The following BTBD8 variants were observed in gnomAD, a reference collection of about 807,000 sequenced individuals.
BTBD8 encodes the protein BTB/POZ domain-containing protein 8.
Under a neutral mutation model 162.9 loss-of-function variants are expected in BTBD8, and 110 were observed. The observed-to-expected ratio is 0.68, with a 90% confidence interval of 0.58 to 0.79. The LOEUF is 0.79. Ranked by LOEUF, BTBD8 falls within the 30% of genes least tolerant of loss-of-function variation. The probability of loss-of-function intolerance (pLI) is 0.00; values close to 1 mark genes in which losing one functional copy is unlikely to be tolerated. For synonymous variants in BTBD8, 667 were observed against 716.1 expected, an observed-to-expected ratio of 0.93 and a Z score of 1.10; for missense variants, 1,905 against 2,085.4, an observed-to-expected ratio of 0.91 and a Z score of 1.68.
In BTBD8 at chr1:92,181,362, C is replaced by T; in HGVS notation, c.3679C>T (p.Pro1227Ser). The T allele has an allele frequency of 6.4e-7, 1 of 1,551,640 alleles. No homozygotes were observed. The highest frequency in any genetic ancestry group is 8.7e-7 in the Non-Finnish European group (1 of 1,146,964). The change falls in exon 17 of 18, where the codon CCA (proline) becomes TCA (serine). Residue 1227 changes from proline (P) to serine (S), a missense_variant. Around this residue, in one of 3 missense-constraint regions of BTBD8, gnomAD observed 1,374 missense variants for 1,442.7 expected, o/e 0.95. Coordinates refer to ENST00000636805, the MANE Select transcript of BTBD8 (RefSeq NM_001376131.1). The part of the protein sequence containing the change: ...TSESPESHET[P>S]ETPFVGHWNL... The stretch of plus-strand genomic sequence containing the variant: ...AGAATCTCCAGAGAGCCATGAAACT[C>T]CAGAAACTCCATTTGTGGGTCACTG...
chr1:92,147,892 G>A, intron 9 of BTBD8, 106 bp downstream of exon 9: 3 of 1,011,126 alleles, frequency 3.0e-6, no homozygotes, highest in Admixed American at 5.2e-5. Context: ...TATTGTAAAA[G>A]CAAGAGGCGT....
chr1:92,147,856 T>A lies in BTBD8; in HGVS notation c.1122+70T>A, dbSNP rs899699570. On this transcript the variant is annotated intron_variant, in intron 9 of 17. Coordinates refer to ENST00000636805, the MANE Select transcript of BTBD8 (RefSeq NM_001376131.1). ...GTTTATTCAATTTTGTATAGTACTT[T>A]CAGTGGTTGAAATATAAATGTAAAA... is the stretch of plus-strand genomic sequence containing the variant. 6.3e-6 allele frequency: 8 copies of A among 1,269,840 alleles called. No homozygotes were observed. In the African/African-American group the frequency reaches 1.2e-4, roughly 19 times the overall value. The allele number at this position is 1,269,840 out of a possible 1,614,324, so 78.7% of individuals were successfully genotyped here. A position where few individuals can be genotyped will look rare whatever the true frequency, so the allele number is the denominator to read the frequency against.
At chr1:92,115,582 T>C in intron 4 of BTBD8, 1 of 386,012 alleles carries the variant, frequency 2.6e-6, no homozygotes, top group South Asian at 2.3e-5. Context: ...TGGAAGATGG[T>C]GATGGGATTT....
chr1:92,096,070 T>G (rs1285652698), intron 2 of BTBD8, among the ~76,000 whole-genome samples: 1 of 151,966 alleles, frequency 6.6e-6, no homozygotes, highest in African/African-American at 2.4e-5. Flanking sequence ...CTCCAAGGCT[T>G]ACGCAATTCT....
At chr1:92,099,944 A>C (rs1192416453) in intron 2 of BTBD8, among the ~76,000 whole-genome samples, 1 of 152,204 alleles carries the variant, frequency 6.6e-6, no homozygotes. Flanking sequence ...GGCTGATCTT[A>C]GGAAGAAAGC....
At position 92,119,904 on chromosome 1, in the gene BTBD8, T is replaced by C. The variant is rs1371617663; in HGVS notation, c.663-9783T>C. 1.1e-3 allele frequency among the ~76,000 whole-genome samples: 145 copies of C among 127,724 alleles called. 1 individual carries two copies. In the East Asian group the frequency reaches 0.026, roughly 23 times the overall value. 83.8% of individuals were successfully genotyped at this position (127,724 alleles called of 152,430 possible). A position where few individuals can be genotyped will look rare whatever the true frequency, so the allele number is the denominator to read the frequency against. On this transcript the variant is annotated intron_variant, in intron 4 of 17. Coordinates refer to ENST00000636805, the MANE Select transcript of BTBD8 (RefSeq NM_001376131.1). ...CACCCGGCCCTTTTCTTTTTTTTTT[T>C]TTTTTTTTTTTTTTGAGACGGAGTC...
chr1:92,177,092 G>T lies in BTBD8; in HGVS notation c.1899G>T (p.Lys633Asn), dbSNP rs1160000584. The T allele has an allele frequency of 1.3e-6, 2 of 1,551,520 alleles. No homozygotes were observed. The highest frequency in any genetic ancestry group is 2.0e-5 in the Admixed American group (1 of 50,968). The change falls in exon 14 of 18, where the codon AAG becomes AAT. Residue 633 changes from lysine to asparagine, a missense_variant. This residue lies in a region of BTBD8 where 1,374 missense variants were observed against 1,442.7 expected (regional missense o/e 0.95). Transcript: ENST00000636805. Reference sequence around the variant, plus strand: ...CTGGGGGAAAAAATGTTTCTGGAAAGCCCAAAACTGTAACAAAATCCAAAA... The same window carrying T: ...CTGGGGGAAAAAATGTTTCTGGAAATCCCAAAACTGTAACAAAATCCAAAA... ...LKTGGKNVSG[K>N]PKTVTKSKTE...
At chr1:92,166,857 G>T (rs1348364094) in intron 9 of BTBD8, 101 bp from the exon 10 acceptor site, 3 of 1,211,068 alleles carry the variant, frequency 2.5e-6, no homozygotes, top group Non-Finnish European at 3.4e-6. Flanking sequence ...TTTTGTTTTT[G>T]CAGGAAACAT....
At chr1:92,131,039 T>C (rs1302422391) in intron 5 of BTBD8, among the ~76,000 whole-genome samples, 7 of 152,146 alleles carry the variant, frequency 4.6e-5, no homozygotes, top group African/African-American at 1.4e-4. Context: ...ATAACACTTT[T>C]AGGAAGGGAT....
At chr1:92,126,280 G>A (rs1557448714) in intron 4 of BTBD8, 46 of 599,964 alleles carry the variant, frequency 7.7e-5, no homozygotes, top group South Asian at 5.4e-4. Context: ...GGAAGATTGG[G>A]GCCTTCTGAT....
chr1:92,130,564 A>ACACACACACT (rs1649492735), intron 5 of BTBD8, among the ~76,000 whole-genome samples: 1 of 147,038 alleles, frequency 6.8e-6, no homozygotes, highest in African/African-American at 2.4e-5. Flanking sequence ...ACACACACAC[A>ACACACACACT]CACATATACG....
At chr1:92,103,446 A>C (rs960553789) in intron 3 of BTBD8, among the ~76,000 whole-genome samples, 2 of 151,912 alleles carry the variant, frequency 1.3e-5, no homozygotes, top group South Asian at 4.2e-4. Context: ...AGAGGTTCTG[A>C]CAGGAAACCT....
At chr1:92,131,723 C>CA (rs1377974623) in intron 5 of BTBD8, among the ~76,000 whole-genome samples, 2,035 of 79,820 alleles carry the variant, frequency 0.025, 27 homozygotes, top group African/African-American at 0.059. Context: ...GACTCTGTCT[C>CA]AAAAAAAAAA....
Position 92,109,379 on chromosome 1 carries a change from C to T in BTBD8, c.662+1378C>T, listed in dbSNP as rs192961907. 2.3e-3 allele frequency among the ~76,000 whole-genome samples: 346 copies of T among 152,000 alleles called. 1 individual carries two copies. Among genetic ancestry groups the T allele is most frequent in the African/African-American group, 7.8e-3 (325 of 41,476 alleles). On this transcript the variant is annotated intron_variant, in intron 4 of 17. Transcript: ENST00000636805. ...GAGCCCTATAGCTATTGCTGTCATACAGGGAAGGCAGGACCCTGTGACCAT... is the reference window on the plus strand; with the variant it reads ...GAGCCCTATAGCTATTGCTGTCATATAGGGAAGGCAGGACCCTGTGACCAT...
chr1:92,102,721 C>T, intron 3 of BTBD8, 52 bp downstream of exon 3: 1 of 1,330,252 alleles, frequency 7.5e-7, no homozygotes, highest in South Asian at 2.3e-5. Flanking sequence ...TAATTATATT[C>T]TGATACAGTT....
intron 8 of BTBD8, 109 bp from the exon 9 acceptor site, chr1:92,147,569 ATAGTAT>A (rs1018073170): frequency 2.3e-5 from 17 of 723,720 alleles, no homozygotes; most frequent in African/African-American, 7.2e-5. Flanking sequence ...CATAAAATTA[ATAGTAT>A]TAGTCAGGTC....
At chr1:92,163,185 T>G (rs1282995943) in intron 9 of BTBD8, among the ~76,000 whole-genome samples, 1 of 151,426 alleles carries the variant, frequency 6.6e-6, no homozygotes, top group Non-Finnish European at 1.5e-5. Context: ...AAACCCCGTC[T>G]CTACTAAAAA....
chr1:92,126,006 C>T (rs1353263262), intron 4 of BTBD8: 3 of 463,124 alleles, frequency 6.5e-6, no homozygotes, highest in South Asian at 1.8e-5. Context: ...GTGTATCAAC[C>T]GAGGCAGCTG....
chr1:92,168,670 T>C (rs1027070499), intron 11 of BTBD8, among the ~76,000 whole-genome samples, 196 bp from the exon 12 acceptor site: 5 of 152,198 alleles, frequency 3.3e-5, no homozygotes, highest in African/African-American at 4.8e-5. Context: ...AAAGATGAGA[T>C]TTTTTAGCTT....
Sources: allele counts gnomAD v4.1 joint callset (sites outside exome capture counted in the v4.1 genomes callset), GRCh38; gene constraint gnomAD v4.1.1; regional missense constraint gnomAD v4.1.1; transcripts MANE v1.5; gene names NCBI Gene and HGNC (gene_info 2026-07-23, HGNC 2026-07-21).